KIFBP: variants seen among roughly 807,000 people sequenced by gnomAD.
The protein encoded by KIFBP is KIF-binding protein.
In KIFBP, 46 loss-of-function variants were observed where a neutral mutation model predicts 58.9. That is an observed-to-expected ratio of 0.78 (90% CI 0.62 to 1.00). KIFBP has a LOEUF of 1.00. Ranked by LOEUF, KIFBP falls within the 50% of genes least tolerant of loss-of-function variation. The pLI, the probability that KIFBP is intolerant of heterozygous loss-of-function variation, is 0.00. For missense variants in KIFBP, 651 were observed against 752.9 expected (o/e 0.86, Z 1.58); for synonymous variants, 241 against 283.4 (o/e 0.85, Z 1.50).
At chr10:68,997,293 T>A (rs1042881385) in intron 1 of KIFBP, among the ~76,000 whole-genome samples, 5 of 152,214 alleles carry the variant, frequency 3.3e-5, no homozygotes, top group African/African-American at 1.2e-4. Context: ...ATGGTTTGGC[T>A]CTGTGTCCCC....
At chr10:68,993,151 A>G (rs528444566) in intron 1 of KIFBP, among the ~76,000 whole-genome samples, 1 of 152,288 alleles carries the variant, frequency 6.6e-6, no homozygotes, top group East Asian at 1.9e-4. Context: ...CCCAGAACAC[A>G]TGCTTCACTG....
intron 5 of KIFBP, 75 bp from the exon 6 acceptor site, chr10:69,010,825 A>G: frequency 3.2e-6 from 3 of 928,260 alleles, no homozygotes; most frequent in South Asian, 1.4e-5. Flanking sequence ...AAAAAGTGAT[A>G]TTAAAAAAAT....
chr10:68,988,974 G>T lies in KIFBP; in HGVS notation c.142G>T (p.Ala48Ser). ...CCGGGCGCTACTGGAAGAGGTCAAGGCGCTGCTCGGCCCTGCGCCTGAGGA... is the reference window on the plus strand; with the variant it reads ...CCGGGCGCTACTGGAAGAGGTCAAGTCGCTGCTCGGCCCTGCGCCTGAGGA... The part of the protein sequence containing the change: ...SARALLEEVK[A>S]LLGPAPEDED... The change falls in exon 1 of 7, where the codon GCG (alanine) becomes TCG (serine). Residue 48 changes from alanine (A) to serine (S), a missense_variant. Transcript: ENST00000361983. 1 of 1,614,268 alleles carries T rather than the reference G, an allele frequency of 6.2e-7. No individual in the cohort carries two copies. The highest frequency in any genetic ancestry group is 8.5e-7 in the Non-Finnish European group (1 of 1,180,054).
chr10:69,010,429 A>G (rs1843579023), intron 5 of KIFBP, among the ~76,000 whole-genome samples: 1 of 152,200 alleles, frequency 6.6e-6, no homozygotes, highest in Non-Finnish European at 1.5e-5. Flanking sequence ...CTGACTTTGT[A>G]GATTACAGCA....
chr10:69,016,471 T>G lies in KIFBP; in HGVS notation c.*55T>G, dbSNP rs566250116. 3 of 1,568,938 alleles carry G rather than the reference T, an allele frequency of 1.9e-6. No homozygotes were observed. The highest frequency in any genetic ancestry group is 2.6e-6 in the Non-Finnish European group (3 of 1,142,302). The stretch of plus-strand genomic sequence containing the variant: ...ATATTGAAGTGATCTTTTTCCCTAG[T>G]CAGACAGGCCCAATTCCATTGTGAT... On this transcript the variant is annotated 3_prime_UTR_variant, in exon 7 of 7. Coordinates refer to ENST00000361983, the MANE Select transcript of KIFBP (RefSeq NM_015634.4).
chr10:69,010,539 C>T (rs775066427), intron 5 of KIFBP, among the ~76,000 whole-genome samples: 2 of 152,048 alleles, frequency 1.3e-5, no homozygotes, highest in African/African-American at 4.8e-5. Flanking sequence ...GTGACATAGA[C>T]GTTTTTGTGA....
At chr10:68,995,479 T>C (rs1843394557) in intron 1 of KIFBP, among the ~76,000 whole-genome samples, 1 of 150,238 alleles carries the variant, frequency 6.7e-6, no homozygotes, top group Non-Finnish European at 1.5e-5. Flanking sequence ...TAATCTTGCA[T>C]TCCTGGGATA....
chr10:69,005,692 T>A, intron 3 of KIFBP, 40 bp from the exon 4 acceptor site: 3 of 1,468,762 alleles, frequency 2.0e-6, no homozygotes, highest in South Asian at 1.2e-5. Context: ...AAAAAACAAG[T>A]AAACCATTAC....
rs201754784 is a variant in KIFBP, at chr10:69,005,936, A to G, written c.789+21A>G. On this transcript the variant is annotated intron_variant, in intron 4 of 6. Coordinates refer to ENST00000361983, the MANE Select transcript of KIFBP (RefSeq NM_015634.4). The stretch of plus-strand genomic sequence containing the variant: ...ATAAGGTAAGCTTCTTGAAGTAGTT[A>G]TCTAACAGAGTACCAATAGTGAGTA... 18 of 1,603,166 alleles carry G rather than the reference A, an allele frequency of 1.1e-5. No homozygotes were observed. The Admixed American group carries it at 2.2e-4, about 19-fold the overall frequency.
Position 69,015,822 on chromosome 10 carries a change from A to C in KIFBP, c.1272A>C (p.Gln424His). 6.2e-7 allele frequency: 1 copy of C among 1,614,232 alleles called. No homozygotes were observed. Among genetic ancestry groups the C allele is most frequent in the Non-Finnish European group, 8.5e-7 (1 of 1,180,050 alleles). Residue 424 changes from glutamine (Q) to histidine (H), a missense_variant, in exon 7 of 7, where the codon CAA becomes CAC. Physicochemically the swap from Gln to His is conservative, Grantham distance 24. Transcript: ENST00000361983. ...TCACTGACCATATTGAAGTTGTCCA[A>C]GACCACAGTGCTCTGTTTAAGGTGC... ...GYVTDHIEVV[Q>H]DHSALFKVLA...
intron 6 of KIFBP, chr10:69,015,241 T>A (rs946724628): frequency 3.0e-6 from 1 of 331,416 alleles, no homozygotes; most frequent in Non-Finnish European, 5.6e-6. Context: ...AAAGTACTTT[T>A]ACATGTAGCA....
At position 68,989,136 on chromosome 10, in the gene KIFBP, G is replaced by A. The variant is rs2132104537; in HGVS notation, c.304G>A (p.Gly102Arg). Residue 102 changes from glycine to arginine, a missense_variant, in exon 1 of 7, where the codon GGG (glycine) becomes AGG (arginine). By Grantham distance (125) the Gly-to-Arg change is moderately radical (BLOSUM62 -2). Transcript: ENST00000361983. ...VRLAVIEFHL[G>R]VNHIDTEELS... is the part of the protein sequence containing the mutation. Reference sequence around the variant, plus strand: ...GCTGGCAGTCATCGAGTTCCACCTCGGGGTGAACCACATCGACACGGAGGA... The same window carrying A: ...GCTGGCAGTCATCGAGTTCCACCTCAGGGTGAACCACATCGACACGGAGGA... The A allele has an allele frequency of 6.2e-7, 1 of 1,612,028 alleles. No homozygotes were observed. The highest frequency in any genetic ancestry group is 8.5e-7 in the Non-Finnish European group (1 of 1,178,648).
At chr10:68,998,330 T>A (rs1843428164) in intron 1 of KIFBP, among the ~76,000 whole-genome samples, 1 of 152,152 alleles carries the variant, frequency 6.6e-6, no homozygotes, top group Non-Finnish European at 1.5e-5. Context: ...GTGTCTAATA[T>A]CTATGATGAT....
chr10:69,000,692 T>C (rs982865021), intron 2 of KIFBP, among the ~76,000 whole-genome samples, 170 bp downstream of exon 2: 1 of 152,212 alleles, frequency 6.6e-6, no homozygotes, highest in African/African-American at 2.4e-5. Flanking sequence ...TATTAAAGAC[T>C]TCAGGGTTTT....
intron 1 of KIFBP, chr10:68,991,654 C>T (rs1264996054): frequency 1.3e-5 from 3 of 233,826 alleles, no homozygotes; most frequent in African/African-American, 6.9e-5. Context: ...TATCCCTGCA[C>T]TTCTGAAGTG....
intron 1 of KIFBP, chr10:68,991,643 A>G (rs1050839475): frequency 2.1e-5 from 6 of 279,690 alleles, no homozygotes; most frequent in Admixed American, 8.3e-5. Flanking sequence ...CAGGCATTCA[A>G]TATCCCTGCA....
rs370519695 is a variant in KIFBP at position 68,988,820 on chromosome 10, A to G, written c.-13A>G. 6.2e-7 allele frequency: 1 copy of G among 1,614,278 alleles called. No homozygotes were observed. The highest frequency in any genetic ancestry group is 8.5e-7 in the Non-Finnish European group (1 of 1,180,048). Reference sequence around the variant, plus strand: ...CTGCAAACATTGAGGAAAGCCAGGCAGTAGAGGCCGCTATGGCGAACGTTC... The same window carrying G: ...CTGCAAACATTGAGGAAAGCCAGGCGGTAGAGGCCGCTATGGCGAACGTTC... On this transcript the variant is annotated 5_prime_UTR_variant, in exon 1 of 7. Transcript: ENST00000361983.
chr10:68,997,378 G>A (rs1465381782), intron 1 of KIFBP, among the ~76,000 whole-genome samples: 2 of 152,280 alleles, frequency 1.3e-5, no homozygotes, highest in Middle Eastern at 3.4e-3. Context: ...GATCATGGGG[G>A]TGGATTTCGT....
chr10:68,994,198 A>G (rs1305564177), intron 1 of KIFBP, among the ~76,000 whole-genome samples: 2 of 152,070 alleles, frequency 1.3e-5, no homozygotes, highest in Non-Finnish European at 1.5e-5. Context: ...AAAAAAAAAA[A>G]ATTTATAGAA....
Sources: allele counts gnomAD v4.1 joint callset (sites outside exome capture counted in the v4.1 genomes callset), GRCh38; gene constraint gnomAD v4.1.1; transcripts MANE v1.5; gene names NCBI Gene and HGNC (gene_info 2026-07-23, HGNC 2026-07-21).